Variants in BIRC6 observed in about 807,000 individuals in gnomAD.
The protein encoded by BIRC6 is baculoviral IAP repeat containing 6, also known as dual E2 ubiquitin-conjugating enzyme/E3 ubiquitin-protein ligase BIRC6.
In BIRC6, 98 loss-of-function variants were observed where a neutral mutation model predicts 503.3. That is an observed-to-expected ratio of 0.19 (90% confidence interval 0.17 to 0.23). BIRC6 has a LOEUF of 0.23. Ranked by LOEUF, BIRC6 falls within the 10% of genes least tolerant of loss-of-function variation. The pLI is 1.00. For synonymous variants in BIRC6, 2,240 were observed against 2,078.7 expected (o/e 1.08, Z -2.11); for missense variants, 5,360 against 5,806.0 (o/e 0.92, Z 2.50).
chr2:32,528,681 A>T (rs928490581), intron 59 of BIRC6: 13 of 152,214 alleles, frequency 8.5e-5, no homozygotes, highest in African/African-American at 3.1e-4. Flanking sequence ...ACAATTGCCT[A>T]TTGTTAGCAT....
intron 1 of BIRC6, among the ~76,000 whole-genome samples, chr2:32,373,133 A>G (rs979117573): frequency 2.0e-5 from 3 of 152,146 alleles, no homozygotes; most frequent in African/African-American, 7.2e-5. Context: ...TAAGATATCT[A>G]TACTGCCCCA....
intron 66 of BIRC6, among the ~76,000 whole-genome samples, chr2:32,578,651 CT>C (rs2151098510): frequency 6.6e-6 from 1 of 152,014 alleles, no homozygotes; most frequent in Admixed American, 6.5e-5. Flanking sequence ...AAAAATTCAG[CT>C]GGGTGTGGTG....
chr2:32,559,940 C>T (rs1271992656), intron 65 of BIRC6, among the ~76,000 whole-genome samples: 4 of 152,002 alleles, frequency 2.6e-5, no homozygotes, highest in South Asian at 2.1e-4. Flanking sequence ...TGCCTGAACC[C>T]GGGAGGCGGA....
intron 9 of BIRC6, among the ~76,000 whole-genome samples, chr2:32,408,439 C>T (rs1217352132): frequency 6.6e-6 from 1 of 152,084 alleles, no homozygotes; most frequent in African/African-American, 2.4e-5. Flanking sequence ...AAAAATAACT[C>T]CTTGGTCTTG....
chr2:32,577,020 G>T (rs1159792445), intron 66 of BIRC6, among the ~76,000 whole-genome samples: 2 of 151,884 alleles, frequency 1.3e-5, no homozygotes, highest in Non-Finnish European at 2.9e-5. Flanking sequence ...CTCCTATCTT[G>T]TGGCCCCCCC....
chr2:32,410,518 TA>T (rs2041743590), intron 9 of BIRC6, among the ~76,000 whole-genome samples: 1 of 152,306 alleles, frequency 6.6e-6, no homozygotes, highest in Admixed American at 6.5e-5. Flanking sequence ...ATTTCCGTTT[TA>T]GGGGGTAGTA....
chr2:32,516,536 T>C (rs959567217), intron 55 of BIRC6, among the ~76,000 whole-genome samples: 1 of 142,066 alleles, frequency 7.0e-6, no homozygotes, highest in African/African-American at 2.6e-5. Flanking sequence ...AAAAAAAATG[T>C]GGAAGATAAT....
chr2:32,481,048 T>G (rs2050345890), intron 37 of BIRC6, among the ~76,000 whole-genome samples: 1 of 152,196 alleles, frequency 6.6e-6, no homozygotes, highest in Non-Finnish European at 1.5e-5. Flanking sequence ...ATGTATATTA[T>G]TTAGTAATGT....
chr2:32,450,711 C>T (rs1390649978), intron 22 of BIRC6, among the ~76,000 whole-genome samples: 3 of 152,112 alleles, frequency 2.0e-5, no homozygotes, highest in Non-Finnish European at 2.9e-5. Context: ...TTCCAGGACT[C>T]CTCGCAGACA....
intron 73 of BIRC6, among the ~76,000 whole-genome samples, chr2:32,612,868 A>G (rs956251600): frequency 7.9e-5 from 12 of 152,142 alleles, no homozygotes; most frequent in African/African-American, 2.9e-4. Flanking sequence ...AGCTAGTTCT[A>G]TTTTGCCCCT....
chr2:32,486,636 A>G (rs968391901), intron 40 of BIRC6, among the ~76,000 whole-genome samples: 1 of 152,232 alleles, frequency 6.6e-6, no homozygotes, highest in Non-Finnish European at 1.5e-5. Context: ...AGAACCGAAT[A>G]AAATTACAGA....
intron 26 of BIRC6, among the ~76,000 whole-genome samples, chr2:32,466,707 T>C (rs2048576600): frequency 1.3e-5 from 2 of 152,258 alleles, no homozygotes; most frequent in Admixed American, 6.5e-5. Flanking sequence ...TGATTTAATT[T>C]TTTAAAACTC....
Position 32,509,919 on chromosome 2 carries a change from C to A in BIRC6, c.10162C>A (p.Gln3388Lys). Residue 3388 changes from glutamine (Q) to lysine (K), a missense_variant, in exon 52 of 74, where the codon CAG (glutamine) becomes AAG (lysine). Physicochemically the swap from Gln to Lys is moderately conservative, Grantham distance 53 (BLOSUM62 1). Coordinates refer to ENST00000421745, the MANE Select transcript of BIRC6 (RefSeq NM_016252.4). Reference sequence around the variant, plus strand: ...GGTTGTGCTTGTAAAGATAGGACTGCAGTCTACTAGAATTGGCCTGAAGCT... The same window carrying A: ...GGTTGTGCTTGTAAAGATAGGACTGAAGTCTACTAGAATTGGCCTGAAGCT... The part of the protein sequence containing the change: ...IEVVLVKIGL[Q>K]STRIGLKLID... 1 of 1,613,996 alleles carries A rather than the reference C, an allele frequency of 6.2e-7. No homozygotes were observed. Among genetic ancestry groups the A allele is most frequent in the Admixed American group, 1.7e-5 (1 of 60,012 alleles).
intron 1 of BIRC6, among the ~76,000 whole-genome samples, chr2:32,358,853 T>C (rs2033612310): frequency 6.6e-6 from 1 of 152,186 alleles, no homozygotes. Flanking sequence ...CTTAGGTAAA[T>C]GATGGGGTGG....
intron 23 of BIRC6, among the ~76,000 whole-genome samples, chr2:32,460,370 G>T (rs573312799): frequency 7.2e-6 from 1 of 139,048 alleles, no homozygotes; most frequent in African/African-American, 2.7e-5. Context: ...TCCGCCTCCC[G>T]GGTTCAAGTG....
intron 65 of BIRC6, among the ~76,000 whole-genome samples, chr2:32,560,323 A>G (rs535585721): frequency 9.6e-4 from 146 of 152,312 alleles, no homozygotes; most frequent in East Asian, 4.8e-3. Context: ...TTTTTGGACT[A>G]TTCCCAGTCT....
At chr2:32,470,141 T>C in intron 30 of BIRC6, 27 bp from the exon 31 acceptor site, 1 of 1,453,892 alleles carries the variant, frequency 6.9e-7, no homozygotes, top group Non-Finnish European at 9.1e-7. Flanking sequence ...TTCTTATTCT[T>C]TTCTTTTTTG....
chr2:32,465,224 T>A, intron 26 of BIRC6, 60 bp downstream of exon 26: 2 of 773,716 alleles, frequency 2.6e-6, no homozygotes, highest in Non-Finnish European at 3.8e-6. Context: ...GCCGGCCTTT[T>A]AAAGACTCAT....
At chr2:32,450,522 A>C (rs1465668788) in intron 22 of BIRC6, among the ~76,000 whole-genome samples, 1 of 152,072 alleles carries the variant, frequency 6.6e-6, no homozygotes, top group Non-Finnish European at 1.5e-5. Flanking sequence ...CCTCATTATT[A>C]GTCTCTCTAC....
Sources: gnomAD v4.1 joint callset for allele counts (sites outside exome capture counted in the v4.1 genomes callset) on GRCh38, gnomAD v4.1.1 for gene constraint, MANE v1.5 for transcripts, NCBI Gene and HGNC (gene_info 2026-07-23, HGNC 2026-07-21) for gene names.